Variants in PIP4K2A observed in about 807,000 individuals in gnomAD.
The protein encoded by PIP4K2A is phosphatidylinositol 5-phosphate 4-kinase type-2 alpha.
A neutral mutation model predicts 42.9 loss-of-function variants in PIP4K2A; 14 were observed. That is an observed-to-expected ratio of 0.33 (90% CI 0.22 to 0.51). PIP4K2A has a LOEUF of 0.51. PIP4K2A is among the 20% of genes least tolerant of loss of function. The pLI, the probability that PIP4K2A is intolerant of heterozygous loss-of-function variation, is 0.97. For synonymous variants in PIP4K2A, 192 were observed against 192.2 expected, an observed-to-expected ratio of 1.00 and a Z score of 0.01; for missense variants, 434 against 519.8, an observed-to-expected ratio of 0.83 and a Z score of 1.61.
rs1301173324 is a variant in PIP4K2A at position 22,550,714 on chromosome 10, T to C, written c.737A>G (p.Tyr246Cys). 3 of 1,609,336 alleles carry C rather than the reference T, an allele frequency of 1.9e-6. No homozygotes were observed. Among genetic ancestry groups the C allele is most frequent in the Non-Finnish European group, 2.6e-6 (3 of 1,175,642 alleles). ...GACCTTCTTGTTGTTGTCATCAATA[T>C]AAATCTTTTGGCCCTCATTAATGAA... ...NDFINEGQKI[Y>C]IDDNNKKVFL... Residue 246 changes from tyrosine to cysteine, a missense_variant, in exon 7 of 10, where the codon TAT becomes TGT. Transcript: ENST00000376573.
chr10:22,662,402 T>A (rs1171441965), intron 1 of PIP4K2A, among the ~76,000 whole-genome samples: 1 of 152,260 alleles, frequency 6.6e-6, no homozygotes, highest in Non-Finnish European at 1.5e-5. Context: ...TCAGGGAGAC[T>A]CTGCTGAATG....
At chr10:22,625,162 T>C (rs1186795323) in intron 1 of PIP4K2A, among the ~76,000 whole-genome samples, 3 of 152,208 alleles carry the variant, frequency 2.0e-5, no homozygotes, top group African/African-American at 7.2e-5. Context: ...TATTTACAAA[T>C]CTTTGTGGGG....
At chr10:22,560,311 G>C (rs1836656266) in intron 6 of PIP4K2A, among the ~76,000 whole-genome samples, 1 of 152,206 alleles carries the variant, frequency 6.6e-6, no homozygotes. Context: ...ATACGCTGCT[G>C]TGCTTTTGTG....
intron 1 of PIP4K2A, among the ~76,000 whole-genome samples, chr10:22,619,656 C>T (rs974207223): frequency 1.3e-5 from 2 of 151,958 alleles, no homozygotes; most frequent in African/African-American, 2.4e-5. Flanking sequence ...AGGCTGGTCT[C>T]GAACTCCTGA....
chr10:22,710,063 CAAAA>C (rs34126375), intron 1 of PIP4K2A, among the ~76,000 whole-genome samples: 6 of 124,668 alleles, frequency 4.8e-5, no homozygotes, highest in Admixed American at 8.4e-5. Flanking sequence ...ACCCATGAAC[CAAAA>C]AAAAAAAAAA....
intron 1 of PIP4K2A, among the ~76,000 whole-genome samples, chr10:22,665,771 T>A (rs1839336485): frequency 1.3e-5 from 2 of 152,036 alleles, no homozygotes; most frequent in South Asian, 4.2e-4. Flanking sequence ...AATGTTTAGA[T>A]GCAATATACT....
At chr10:22,584,047 T>C (rs796779687) in intron 4 of PIP4K2A, among the ~76,000 whole-genome samples, 4 of 152,324 alleles carry the variant, frequency 2.6e-5, no homozygotes, top group African/African-American at 9.6e-5. Flanking sequence ...TTGATCCTGA[T>C]CAACATCTTG....
At chr10:22,542,068 G>A in intron 7 of PIP4K2A, 21 bp from the exon 8 acceptor site, 1 of 1,588,882 alleles carries the variant, frequency 6.3e-7, no homozygotes, top group Non-Finnish European at 8.6e-7. Context: ...AGGCAACAGG[G>A]TGAGTCAGCC....
intron 3 of PIP4K2A, among the ~76,000 whole-genome samples, chr10:22,604,619 G>C (rs1837867018): frequency 6.6e-6 from 1 of 152,154 alleles, no homozygotes; most frequent in Non-Finnish European, 1.5e-5. Flanking sequence ...CAAGTCAGTT[G>C]GGAAAGAGTA....
At chr10:22,694,744 A>G (rs1341225572) in intron 1 of PIP4K2A, 1 of 152,232 alleles carries the variant, frequency 6.6e-6, no homozygotes, top group Non-Finnish European at 1.5e-5. Context: ...TTTTGAAAAG[A>G]GATGTGCTTT....
chr10:22,711,354 G>C (rs559802170), intron 1 of PIP4K2A, among the ~76,000 whole-genome samples: 1 of 152,330 alleles, frequency 6.6e-6, no homozygotes, highest in South Asian at 2.1e-4. Context: ...TTAGTTCACA[G>C]TCTCTTAAAA....
At chr10:22,683,306 C>T (rs898794355) in intron 1 of PIP4K2A, among the ~76,000 whole-genome samples, 1 of 152,086 alleles carries the variant, frequency 6.6e-6, no homozygotes, top group African/African-American at 2.4e-5. Flanking sequence ...TCACTGTGAT[C>T]TTAAGTCACA....
intron 6 of PIP4K2A, among the ~76,000 whole-genome samples, chr10:22,561,358 A>G (rs1836689544): frequency 6.6e-6 from 1 of 152,174 alleles, no homozygotes; most frequent in South Asian, 2.1e-4. Flanking sequence ...TGCAAATCAC[A>G]CTAATTACAT....
chr10:22,556,481 G>T (rs766761052), intron 6 of PIP4K2A, among the ~76,000 whole-genome samples: 6 of 152,144 alleles, frequency 3.9e-5, no homozygotes, highest in Non-Finnish European at 7.4e-5. Flanking sequence ...TAAAGAATTT[G>T]AAATTTATGA....
At chr10:22,626,686 A>G (rs1838446776) in intron 1 of PIP4K2A, among the ~76,000 whole-genome samples, 1 of 152,214 alleles carries the variant, frequency 6.6e-6, no homozygotes, top group African/African-American at 2.4e-5. Flanking sequence ...TTTACTTCAT[A>G]TTTTAATGTA....
chr10:22,695,958 AGAGCATGTCTTGG>A (rs1233562581), intron 1 of PIP4K2A, among the ~76,000 whole-genome samples: 3 of 152,124 alleles, frequency 2.0e-5, no homozygotes, highest in African/African-American at 7.2e-5. Flanking sequence ...ATCTCACCTT[AGAGCATGTCTTGG>A]GTTTTTTCCC....
intron 4 of PIP4K2A, among the ~76,000 whole-genome samples, chr10:22,576,238 C>T (rs1012112355): frequency 7.2e-5 from 11 of 152,184 alleles, no homozygotes; most frequent in African/African-American, 2.4e-4. Flanking sequence ...GGGCACACTG[C>T]TGCATTTCAG....
intron 6 of PIP4K2A, among the ~76,000 whole-genome samples, chr10:22,560,285 A>T (rs1385224144): frequency 1.3e-5 from 2 of 152,188 alleles, no homozygotes; most frequent in African/African-American, 4.8e-5. Context: ...AGCGGCAAAT[A>T]AAGATTTCCA....
chr10:22,668,866 GA>G (rs1366368290), intron 1 of PIP4K2A, among the ~76,000 whole-genome samples: 2 of 152,088 alleles, frequency 1.3e-5, no homozygotes, highest in Non-Finnish European at 2.9e-5. Context: ...TTTTTGTAAA[GA>G]AAAAATACCA....
Sources: gnomAD v4.1 joint callset for allele counts (sites outside exome capture counted in the v4.1 genomes callset) on GRCh38, gnomAD v4.1.1 for gene constraint, MANE v1.5 for transcripts, NCBI Gene and HGNC (gene_info 2026-07-23, HGNC 2026-07-21) for gene names.